ARB2A: variants seen among roughly 807,000 people sequenced by gnomAD.
The protein encoded by ARB2A is ARB2 cotranscriptional regulator A.
chr5:93,881,437 A>C, the ARB2A span: 4 of 1,505,190 alleles, frequency 2.7e-6, no homozygotes, highest in Non-Finnish European at 3.7e-6. Flanking sequence ...CAAGGTAAAG[A>C]AAATAGTAAA....
chr5:93,764,719 A>G, the ARB2A span, among the ~76,000 whole-genome samples: 2 of 152,228 alleles, frequency 1.3e-5, no homozygotes, highest in Non-Finnish European at 2.9e-5. Context: ...TCCTGATACC[A>G]AAGCCTGGCA....
chr5:93,792,774 A>G, the ARB2A span, among the ~76,000 whole-genome samples: 1 of 151,608 alleles, frequency 6.6e-6, no homozygotes, highest in African/African-American at 2.4e-5. Context: ...TGGGTGCAGC[A>G]CACCAGCATG....
chr5:93,922,017 A>T, the ARB2A span, among the ~76,000 whole-genome samples: 1 of 152,216 alleles, frequency 6.6e-6, no homozygotes, highest in Non-Finnish European at 1.5e-5. Flanking sequence ...ATAGGGGTTC[A>T]TAAGGACTTT....
the ARB2A span, among the ~76,000 whole-genome samples, chr5:93,732,599 A>C: frequency 5.9e-5 from 9 of 151,530 alleles, no homozygotes; most frequent in Admixed American, 3.9e-4. Flanking sequence ...AAAAAAAAAA[A>C]CCCAAACCTT....
the ARB2A span, among the ~76,000 whole-genome samples, chr5:93,858,591 T>G: frequency 6.8e-4 from 104 of 152,318 alleles, 4 homozygotes; most frequent in South Asian, 0.019. Flanking sequence ...TTCGCCATCT[T>G]AACACTGTAC....
the ARB2A span, chr5:93,620,476 A>G: frequency 6.6e-6 from 1 of 151,550 alleles, no homozygotes. Flanking sequence ...ACTTCCTTAA[A>G]AAAAAAAAAA....
At chr5:93,634,599 A>G in the ARB2A span, among the ~76,000 whole-genome samples, 1 of 152,190 alleles carries the variant, frequency 6.6e-6, no homozygotes, top group Non-Finnish European at 1.5e-5. Context: ...TGTTGTGCTT[A>G]TTAGTAAATA....
the ARB2A span, among the ~76,000 whole-genome samples, chr5:93,997,973 G>T: frequency 6.6e-6 from 1 of 151,504 alleles, no homozygotes; most frequent in Admixed American, 6.6e-5. Flanking sequence ...CACCCAAAAA[G>T]ATTCCCATAG....
At chr5:93,665,996 A>T in the ARB2A span, among the ~76,000 whole-genome samples, 1 of 152,234 alleles carries the variant, frequency 6.6e-6, no homozygotes, top group Non-Finnish European at 1.5e-5. Context: ...ATTTGCAGAA[A>T]AATGGCAGAT....
At chr5:93,811,677 T>A in the ARB2A span, among the ~76,000 whole-genome samples, 2 of 152,142 alleles carry the variant, frequency 1.3e-5, no homozygotes, top group African/African-American at 4.8e-5. Flanking sequence ...ATATATTTCA[T>A]GTTTCTCATC....
the ARB2A span, among the ~76,000 whole-genome samples, chr5:93,931,355 T>G: frequency 4.6e-5 from 7 of 152,086 alleles, no homozygotes; most frequent in African/African-American, 1.4e-4. Flanking sequence ...TCCCAGCTAC[T>G]CGGGAGGCTA....
the ARB2A span, among the ~76,000 whole-genome samples, chr5:93,882,507 T>C: frequency 6.6e-6 from 1 of 151,136 alleles, no homozygotes; most frequent in Non-Finnish European, 1.5e-5. Flanking sequence ...TTGTAAAACA[T>C]GTTTTCCTGT....
At chr5:93,799,856 A>C in the ARB2A span, among the ~76,000 whole-genome samples, 2 of 152,108 alleles carry the variant, frequency 1.3e-5, no homozygotes, top group African/African-American at 2.4e-5. Flanking sequence ...TTATGATGTT[A>C]TATAGAAATA....
the ARB2A span, among the ~76,000 whole-genome samples, chr5:93,972,969 G>C: frequency 3.3e-5 from 5 of 149,648 alleles, no homozygotes; most frequent in African/African-American, 7.4e-5. Context: ...TTTCCTTTTT[G>C]AGACAGTCTC....
chr5:93,783,913 G>A, the ARB2A span, among the ~76,000 whole-genome samples: 1 of 152,126 alleles, frequency 6.6e-6, no homozygotes, highest in African/African-American at 2.4e-5. Context: ...CAGTATTTCA[G>A]CTTTTTTCTT....
the ARB2A span, among the ~76,000 whole-genome samples, chr5:93,634,811 T>C: frequency 6.6e-6 from 1 of 152,152 alleles, no homozygotes; most frequent in Non-Finnish European, 1.5e-5. Flanking sequence ...GTTTTGCTCT[T>C]GTTGCCCAGG....
chr5:94,007,533 G>A, the ARB2A span, among the ~76,000 whole-genome samples: 1 of 152,110 alleles, frequency 6.6e-6, no homozygotes, highest in Non-Finnish European at 1.5e-5. Flanking sequence ...AGCACTTTGG[G>A]AGGCCAAGGC....
the ARB2A span, among the ~76,000 whole-genome samples, chr5:93,641,840 TG>T: frequency 2.0e-5 from 3 of 152,118 alleles, no homozygotes; most frequent in Non-Finnish European, 4.4e-5. Context: ...AAAAAGCATG[TG>T]GGATCACATA....
chr5:94,045,772 A>G, the ARB2A span, among the ~76,000 whole-genome samples: 2 of 152,232 alleles, frequency 1.3e-5, no homozygotes, highest in Admixed American at 1.3e-4. Flanking sequence ...GCAGAGTGAT[A>G]AGTAGCATAA....
Sources: allele counts gnomAD v4.1 joint callset (sites outside exome capture counted in the v4.1 genomes callset), GRCh38; gene constraint gnomAD v4.1.1; transcripts MANE v1.5; gene names NCBI Gene and HGNC (gene_info 2026-07-23, HGNC 2026-07-21).